Variants in ABCA1 observed in about 807,000 individuals in gnomAD.
ABCA1 encodes ATP binding cassette subfamily A member 1.
In ABCA1, 133 loss-of-function variants were observed where a neutral mutation model predicts 262.5. The observed-to-expected ratio is 0.51, with a 90% CI of 0.44 to 0.59. The LOEUF (loss-of-function observed/expected upper bound fraction) is 0.59, where lower values mean the gene tolerates loss of function less well. Among genes scored for constraint, ABCA1 ranks in the 20% least tolerant of loss-of-function variants. The probability of loss-of-function intolerance (pLI) is 0.00; values close to 1 mark genes in which losing one functional copy is unlikely to be tolerated. For synonymous variants in ABCA1, 1,022 were observed against 1,043.5 expected (o/e 0.98, Z 0.40); for missense variants, 2,452 against 2,777.5 (o/e 0.88, Z 2.63).
chr9:104,888,073 G>GTGTGTGTGTGTGTA (rs1554744349), intron 3 of ABCA1, among the ~76,000 whole-genome samples: 20 of 151,740 alleles, frequency 1.3e-4, no homozygotes, highest in African/African-American at 4.8e-4. Flanking sequence ...GTGTGTGTGT[G>GTGTGTGTGTGTGTA]TGTGTGTGTG....
intron 1 of ABCA1, among the ~76,000 whole-genome samples, chr9:104,920,835 A>T (rs1842104497): frequency 6.6e-6 from 1 of 152,132 alleles, no homozygotes; most frequent in Non-Finnish European, 1.5e-5. Context: ...AAATCACTGA[A>T]AACACTCGTA....
intron 15 of ABCA1, among the ~76,000 whole-genome samples, chr9:104,827,778 G>C (rs1211134988): frequency 2.0e-5 from 3 of 152,202 alleles, no homozygotes; most frequent in East Asian, 3.9e-4. Flanking sequence ...AGATAACAGA[G>C]CATGAGGGAG....
intron 17 of ABCA1, 67 bp downstream of exon 17, chr9:104,825,616 T>A: frequency 5.1e-5 from 79 of 1,543,056 alleles, no homozygotes; most frequent in Non-Finnish European, 7.0e-5. Flanking sequence ...ACTGCAGAGA[T>A]TCTAGCACAA....
rs1443895436 is a variant in ABCA1 at position 104,831,606 on chromosome 9, A to T, written c.1715+16T>A. The T allele has an allele frequency of 6.8e-6, 11 of 1,607,462 alleles. No homozygotes were observed. The highest frequency in any genetic ancestry group is 1.3e-5 in the African/African-American group (1 of 74,798). Reference sequence around the variant, plus strand: ...ACCTCCCCAAGACCAGGCTGGTGTGATGGGATTCCACTTACCCATCCTTGA... The same window carrying T: ...ACCTCCCCAAGACCAGGCTGGTGTGTTGGGATTCCACTTACCCATCCTTGA... On this transcript the variant is annotated intron_variant, in intron 13 of 49. Transcript: ENST00000374736.
chr9:104,896,742 T>A (rs1840255831), intron 2 of ABCA1, among the ~76,000 whole-genome samples: 1 of 101,698 alleles, frequency 9.8e-6, no homozygotes, highest in African/African-American at 4.4e-5. Flanking sequence ...TTTTTTTTTT[T>A]TTTTTTCAGA....
rs1231268578 is a variant in ABCA1 at position 104,817,589 on chromosome 9, T to C, written c.3463-185A>G. Among the ~76,000 whole-genome samples, 1 of 152,220 alleles carries C rather than the reference T, an allele frequency of 6.6e-6. No individual in the cohort carries two copies. The highest frequency in any genetic ancestry group is 1.9e-4 in the East Asian group (1 of 5,190). On this transcript the variant is annotated intron_variant, in intron 23 of 49. Transcript: ENST00000374736. The surrounding 1 kb of genome is among the most constrained non-coding windows in gnomAD (Gnocchi z 4.7). The stretch of plus-strand genomic sequence containing the variant: ...CCCTGTCTGGCATGTGTGTGCCGTG[T>C]GAACAGCCTCGCTTCCTGAGGGTGA...
chr9:104,849,422 C>T (rs1304482326), intron 7 of ABCA1, among the ~76,000 whole-genome samples: 1 of 152,198 alleles, frequency 6.6e-6, no homozygotes, highest in Non-Finnish European at 1.5e-5. Flanking sequence ...CCAACAGAAA[C>T]ATTGGCTGAA....
chr9:104,814,274 A>C (rs768180041), intron 26 of ABCA1, 43 bp from the exon 27 acceptor site: 47 of 1,604,128 alleles, frequency 2.9e-5, no homozygotes, highest in African/African-American at 5.4e-5. Context: ...TTTTATTTAC[A>C]ACAAAACAAA....
At chr9:104,857,511 C>T (rs1353473601) in intron 7 of ABCA1, among the ~76,000 whole-genome samples, 1 of 152,092 alleles carries the variant, frequency 6.6e-6, no homozygotes. Flanking sequence ...GGATTACAGG[C>T]GTGAGCCACC....
At chr9:104,873,754 G>C (rs900474446) in intron 5 of ABCA1, among the ~76,000 whole-genome samples, 4 of 152,148 alleles carry the variant, frequency 2.6e-5, no homozygotes, top group African/African-American at 9.7e-5. Context: ...ACCTATGCTG[G>C]GCCAGGCACT....
intron 25 of ABCA1, among the ~76,000 whole-genome samples, chr9:104,814,888 G>A (rs990178971): frequency 1.2e-4 from 18 of 152,184 alleles, no homozygotes; most frequent in East Asian, 7.7e-4. Context: ...TCAGCTACTT[G>A]GGAGGCTGAG....
At chr9:104,823,064 G>GA (rs34239819) in intron 18 of ABCA1, among the ~76,000 whole-genome samples, 18,988 of 138,378 alleles carry the variant, frequency 0.14, 1,557 homozygotes, top group East Asian at 0.45. Context: ...ACTGCTGAGT[G>GA]AAAAAAAAAA....
intron 5 of ABCA1, among the ~76,000 whole-genome samples, chr9:104,869,872 C>T (rs903020095): frequency 1.3e-5 from 2 of 152,042 alleles, no homozygotes; most frequent in Admixed American, 1.3e-4. Context: ...CTCTCTGAGC[C>T]TCCATTTTTC....
Position 104,913,961 on chromosome 9 carries a change from G to A in ABCA1, c.-92-10190C>T, listed in dbSNP as rs113384389. On this transcript the variant is annotated intron_variant, in intron 1 of 49. Transcript: ENST00000374736. ...CCGACAGCCGCCTGCCAACACGCCCGGCTAATTTTTTGTATTTTTAGTAGA... is the reference window on the plus strand; with the variant it reads ...CCGACAGCCGCCTGCCAACACGCCCAGCTAATTTTTTGTATTTTTAGTAGA... 3.0e-4 allele frequency among the ~76,000 whole-genome samples: 22 copies of A among 74,472 alleles called. No homozygotes were observed. The East Asian group carries it at 3.0e-3, about 10-fold the overall frequency. 48.9% of individuals were successfully genotyped at this position (74,472 alleles called of 152,430 possible).
At chr9:104,815,515 C>A (rs1428761165) in intron 25 of ABCA1, among the ~76,000 whole-genome samples, 2 of 152,102 alleles carry the variant, frequency 1.3e-5, no homozygotes, top group African/African-American at 4.8e-5. Flanking sequence ...AGCCCCAAAC[C>A]CCTGATTCTG....
chr9:104,894,258 G>A (rs1392197744), intron 2 of ABCA1, among the ~76,000 whole-genome samples: 1 of 152,132 alleles, frequency 6.6e-6, no homozygotes, highest in African/African-American at 2.4e-5. Flanking sequence ...GGATATCTCT[G>A]CAGCCCCCAT....
At chr9:104,898,687 C>T (rs1840422097) in intron 2 of ABCA1, among the ~76,000 whole-genome samples, 1 of 152,134 alleles carries the variant, frequency 6.6e-6, no homozygotes, top group African/African-American at 2.4e-5. Context: ...GTCTTATTCA[C>T]TCCACCAGTG....
chr9:104,903,530 C>T (rs1362297935), intron 2 of ABCA1, 84 bp downstream of exon 2: 1 of 1,211,904 alleles, frequency 8.3e-7, no homozygotes, highest in Admixed American at 2.0e-5. Flanking sequence ...CAGCTTCCTT[C>T]CCTCCCTCCC....
intron 10 of ABCA1, 46 bp from the exon 11 acceptor site, chr9:104,837,142 G>C (rs1386458931): frequency 6.8e-7 from 1 of 1,476,594 alleles, no homozygotes; most frequent in Non-Finnish European, 9.3e-7. Context: ...AGGAGGAGAA[G>C]CACAGACAAT....
Sources: gnomAD v4.1 joint callset for allele counts (sites outside exome capture counted in the v4.1 genomes callset) on GRCh38, gnomAD v4.1.1 for gene constraint, Gnocchi (gnomAD v3.1) non-coding constraint, MANE v1.5 for transcripts, NCBI Gene and HGNC (gene_info 2026-07-23, HGNC 2026-07-21) for gene names.